The following LTBP3 variants were observed in gnomAD, a reference collection of about 807,000 sequenced individuals.
LTBP3 encodes latent transforming growth factor beta binding protein 3, also known as latent-transforming growth factor beta-binding protein 3.
Under a neutral mutation model 159.7 loss-of-function variants are expected in LTBP3, and 97 were observed. The observed-to-expected ratio is 0.61, with a 90% CI of 0.52 to 0.72. The LOEUF is 0.72. Ranked by LOEUF, LTBP3 falls within the 30% of genes least tolerant of loss-of-function variation. The pLI is 0.00. For missense variants in LTBP3, 1,584 were observed against 1,864.3 expected (o/e 0.85, Z 2.77); for synonymous variants, 824 against 777.1 (o/e 1.06, Z -1.00).
intron 10 of LTBP3, 27 bp downstream of exon 10, chr11:65,551,375 G>A: frequency 6.2e-7 from 1 of 1,609,580 alleles, no homozygotes; most frequent in Non-Finnish European, 8.5e-7. Context: ...AGCCCTTGAG[G>A]ACTCATCCCT....
chr11:65,539,347 G>A lies in LTBP3; in HGVS notation c.3741C>T (p.Ala1247=), dbSNP rs765433192. Residue 1247 remains alanine, a synonymous_variant, in exon 27 of 28, where the codon GCC becomes GCT. Coordinates refer to ENST00000301873, the MANE Select transcript of LTBP3 (RefSeq NM_001130144.3). ...CECPGGFQLD[A]SRARCVDIDE... ...GCTCACCCACGCAGCGGGCGCGGGA[G>A]GCGTCGAGCTGGAAGCCGCCGGGAC... 4.0e-5 allele frequency: 61 copies of A among 1,529,008 alleles called. No homozygotes were observed. The highest frequency in any genetic ancestry group is 5.0e-5 in the Non-Finnish European group (57 of 1,136,028). The allele number at this position is 1,529,008 out of a possible 1,614,324, so 94.7% of individuals were successfully genotyped here.
At chr11:65,545,775 C>CATCA in intron 16 of LTBP3, 1 of 195,802 alleles carries the variant, frequency 5.1e-6, no homozygotes. Context: ...CCTCTAACAC[C>CATCA]TTCTGGGTGA....
chr11:65,549,589 T>C (rs1856518962), intron 11 of LTBP3, among the ~76,000 whole-genome samples: 1 of 136,460 alleles, frequency 7.3e-6, no homozygotes, highest in Admixed American at 7.4e-5. Flanking sequence ...TTTTTTTTTT[T>C]TTGGATTTTT....
chr11:65,538,771 C>T lies in LTBP3; in HGVS notation c.*309G>A, dbSNP rs1295870669. The T allele has an allele frequency of 1.2e-6, 1 of 857,384 alleles. No homozygotes were observed. Among genetic ancestry groups the T allele is most frequent in the Admixed American group, 3.1e-5 (1 of 32,658 alleles). 53.1% of individuals were successfully genotyped at this position (857,384 alleles called of 1,614,324 possible). ...GGGTCTGGCGCCGCCCTGCGCAGCC[C>T]GCGCCCACGTCAGACGTGAACATCA... is the stretch of plus-strand genomic sequence containing the variant. On this transcript the variant is annotated 3_prime_UTR_variant, in exon 28 of 28. Transcript: ENST00000301873.
chr11:65,546,905 C>G lies in LTBP3; in HGVS notation c.2123G>C (p.Arg708Pro). The G allele has an allele frequency of 6.2e-7, 1 of 1,612,240 alleles. No individual in the cohort carries two copies. The highest frequency in any genetic ancestry group is 1.3e-5 in the African/African-American group (1 of 75,066). Residue 708 changes from arginine (R) to proline (P), a missense_variant, in exon 15 of 28, where the codon CGG becomes CCG. Arg to Pro is a moderately radical substitution (Grantham distance 103). Transcript: ENST00000301873. This position sits in a 1 kb window ranked among gnomAD's most constrained non-coding sequence, Gnocchi z 4.0. ...GCCATCCGGGCAAGAGCTTGGGTCC[C>G]GGCACTCGTCGATGTCTGCACGGGA... Reference protein sequence around the residue: ...PPVCEDIDECRDPSSCPDGKC... With the variant: ...PPVCEDIDECPDPSSCPDGKC...
chr11:65,551,544 T>C lies in LTBP3; in HGVS notation c.1548+4A>G, dbSNP rs377745344. ...ACCCCTCCCATCTGGGTTCTCATAC[T>C]CACTGAGTCCGTGGTCACCCCTAAA... On this transcript the variant is annotated splice_donor_region_variant and intron_variant, in intron 9 of 27. Transcript: ENST00000301873. The C allele has an allele frequency of 3.7e-6, 6 of 1,613,854 alleles. No homozygotes were observed. The Admixed American group carries it at 6.7e-5, about 18-fold the overall frequency.
Position 65,554,313 on chromosome 11 carries a change from CG to C in LTBP3, c.398del (p.Pro133ArgfsTer26). The C allele has an allele frequency of 6.2e-7, 1 of 1,612,096 alleles. No individual in the cohort carries two copies. On this transcript the variant is annotated frameshift_variant, in exon 2 of 28. Transcript: ENST00000301873. LOFTEE classifies it high-confidence loss of function. This position sits in a 1 kb window ranked among gnomAD's most constrained non-coding sequence, Gnocchi z 5.3. ...CCTGGCAGAAGCGCCCAGTGAAGTC[CG>C]GGGGACACAGGCACTGGTTTCGCGA... The part of the protein sequence containing the change: ...CSSRNQCLCP[P>X]DFTGRFCQVP...
intron 21 of LTBP3, 121 bp from the exon 22 acceptor site, chr11:65,540,735 AG>A (rs1554972612): frequency 5.5e-4 from 816 of 1,472,696 alleles, no homozygotes; most frequent in South Asian, 7.6e-4. Context: ...CGGGGCCTAC[AG>A]GGCGGGGCCT....
Position 65,547,766 on chromosome 11 carries a change from G to T in LTBP3, c.1902C>A (p.Asn634Lys). ...PCGPGRGICM[N>K]TGGSYNCHCN... ...AGTGGCAATTGTAGGAGCCGCCGGT[G>T]TTCATGCAGATGCCCCTCCCCGGGC... Residue 634 changes from asparagine (N) to lysine (K), a missense_variant, in exon 13 of 28, where the codon AAC (asparagine) becomes AAA (lysine). Asn to Lys is a moderately conservative substitution (Grantham distance 94, BLOSUM62 0). This residue lies in a region of LTBP3 where 565 missense variants were observed against 677.7 expected (regional missense o/e 0.83). Transcript: ENST00000301873. The surrounding 1 kb of genome is among the most constrained non-coding windows in gnomAD (Gnocchi z 4.6). 3 of 1,611,926 alleles carry T rather than the reference G, an allele frequency of 1.9e-6. No individual in the cohort carries two copies. The highest frequency in any genetic ancestry group is 2.2e-5 in the East Asian group (1 of 44,836).
chr11:65,546,535 AG>A lies in LTBP3; in HGVS notation c.2259del (p.Cys754AlafsTer114). On this transcript the variant is annotated frameshift_variant, in exon 16 of 28. Transcript: ENST00000301873. LOFTEE classifies it high-confidence loss of function. This position sits in a 1 kb window ranked among gnomAD's most constrained non-coding sequence, Gnocchi z 4.0. ...RDVNECAEGS[P>X]CSPGWCENLP... ...AGGTTCTCGCACCAGCCAGGCGAGC[AG>A]GGGCTGCCCTCGGCGCACTCGTTCA... The A allele has an allele frequency of 6.2e-7, 1 of 1,602,274 alleles. No individual in the cohort carries two copies.
Position 65,553,102 on chromosome 11 carries a change from C to G in LTBP3, c.1063+62G>C. 1 of 1,605,104 alleles carries G rather than the reference C, an allele frequency of 6.2e-7. No individual in the cohort carries two copies. The highest frequency in any genetic ancestry group is 8.5e-7 in the Non-Finnish European group (1 of 1,172,168). The stretch of plus-strand genomic sequence containing the variant: ...CCTCTCTCGCCCACCTTGGGACCCT[C>G]CCCACCCCCAGTGATGGCTGGCCTG... On this transcript the variant is annotated intron_variant, in intron 5 of 27. Coordinates refer to ENST00000301873, the MANE Select transcript of LTBP3 (RefSeq NM_001130144.3). The surrounding 1 kb of genome is among the most constrained non-coding windows in gnomAD (Gnocchi z 6.5).
Position 65,553,326 on chromosome 11 carries a change from G to C in LTBP3, c.971-70C>G. ...TGGGGAGGGGCACAGCAGATGTAGA[G>C]AGGAATCTGGTGACCTGGGGACTCC... On this transcript the variant is annotated intron_variant, in intron 4 of 27. Transcript: ENST00000301873. The surrounding 1 kb of genome is among the most constrained non-coding windows in gnomAD (Gnocchi z 6.5). 3 of 1,259,442 alleles carry C rather than the reference G, an allele frequency of 2.4e-6. No individual in the cohort carries two copies. Among genetic ancestry groups the C allele is most frequent in the Non-Finnish European group, 3.3e-6 (3 of 896,626 alleles). 78.0% of individuals were successfully genotyped at this position (1,259,442 alleles called of 1,614,324 possible). A position where few individuals can be genotyped will look rare whatever the true frequency, so the allele number is the denominator to read the frequency against.
chr11:65,557,860 G>A lies in LTBP3; in HGVS notation c.100C>T (p.Leu34=). 1 of 1,281,812 alleles carries A rather than the reference G, an allele frequency of 7.8e-7. No homozygotes were observed. Among genetic ancestry groups the A allele is most frequent in the Non-Finnish European group, 9.9e-7 (1 of 1,008,174 alleles). 79.4% of individuals were successfully genotyped at this position (1,281,812 alleles called of 1,614,324 possible). A position where few individuals can be genotyped will look rare whatever the true frequency, so the allele number is the denominator to read the frequency against. Residue 34 remains leucine, a synonymous_variant, in exon 1 of 28, where the codon CTG becomes TTG. Transcript: ENST00000301873. ...TCGACCCTGCCGCCCAGGCCCAGCA[G>A]CAGCAGCAGCAGCAGCAGCAGCAGC... ...LALLLLLLLL[L]LGLGGRVEGG... is the part of the protein sequence containing the mutation.
chr11:65,543,472 A>C lies in LTBP3; in HGVS notation c.2431T>G (p.Cys811Gly). Residue 811 changes from cysteine (C) to glycine (G), a missense_variant, in exon 17 of 28, where the codon TGC (cysteine) becomes GGC (glycine). By Grantham distance (159) the Cys-to-Gly change is radical. Transcript: ENST00000301873. ...CTGGACAGATGGTAGCCAGAGAGGC[A>C]CTGACACTGGAAAGATCCTGGCGTG... The part of the protein sequence containing the change: ...SNTPGSFQCQ[C>G]LSGYHLSRDR... The C allele has an allele frequency of 6.2e-7, 1 of 1,614,116 alleles. No individual in the cohort carries two copies. The highest frequency in any genetic ancestry group is 1.1e-5 in the South Asian group (1 of 91,084).
Position 65,551,410 on chromosome 11 carries a change from G to A in LTBP3, c.1613C>T (p.Pro538Leu). 1 of 1,613,284 alleles carries A rather than the reference G, an allele frequency of 6.2e-7. No homozygotes were observed. The highest frequency in any genetic ancestry group is 8.5e-7 in the Non-Finnish European group (1 of 1,179,978). ...TACAGTGCCCAGCTCACCGGGGTAGGGCCGGGCAGGAGTCGTGGTGGCAGT... is the reference window on the plus strand; with the variant it reads ...TACAGTGCCCAGCTCACCGGGGTAGAGCCGGGCAGGAGTCGTGGTGGCAGT... ...HPTATTTPAR[P>L]YPELISRPSP... The change falls in exon 10 of 28, where the codon CCC becomes CTC. Residue 538 changes from proline (P) to leucine (L), a missense_variant. This residue lies in a region of LTBP3 where 565 missense variants were observed against 677.7 expected (regional missense o/e 0.83). Transcript: ENST00000301873.
chr11:65,539,602 C>G lies in LTBP3; in HGVS notation c.3574G>C (p.Glu1192Gln). 1 of 1,612,402 alleles carries G rather than the reference C, an allele frequency of 6.2e-7. No individual in the cohort carries two copies. The highest frequency in any genetic ancestry group is 8.5e-7 in the Non-Finnish European group (1 of 1,179,284). The change falls in exon 26 of 28, where the codon GAG (glutamate) becomes CAG (glutamine). Residue 1192 changes from glutamate to glutamine, a missense_variant. Transcript: ENST00000301873. ...AGSHCPTSQS[E>Q]SNSFWDTSPL... ...CTTGTGTCCCAGAAGGAATTGCTCT[C>G]GCTCTGCGATGTCGGGCAATGGGAC...
In LTBP3 at chr11:65,543,096, C is replaced by A. The variant is rs371396072; in HGVS notation, c.2596+9G>T. ...CATCCCTCAGGAACCCTCAGCCAGT[C>A]CCCCATACCTTGGCATTTCCTGCCA... On this transcript the variant is annotated intron_variant, in intron 18 of 27. Transcript: ENST00000301873. 6.2e-7 allele frequency: 1 copy of A among 1,613,676 alleles called. No homozygotes were observed. Among genetic ancestry groups the A allele is most frequent in the African/African-American group, 1.3e-5 (1 of 74,890 alleles).
Position 65,558,172 on chromosome 11 carries a change from A to C in LTBP3, c.-213T>G. 9.4e-6 allele frequency: 10 copies of C among 1,067,854 alleles called. No individual in the cohort carries two copies. The highest frequency in any genetic ancestry group is 1.1e-5 in the Non-Finnish European group (10 of 882,018). 66.1% of individuals were successfully genotyped at this position (1,067,854 alleles called of 1,614,324 possible). A position where few individuals can be genotyped will look rare whatever the true frequency, so the allele number is the denominator to read the frequency against. ...GGGAGCGCAGAAACTTCCCAGCCCC[A>C]GGACGAAGCCCAGACCAGGCCCCGA... On this transcript the variant is annotated 5_prime_UTR_variant, in exon 1 of 28. Coordinates refer to ENST00000301873, the MANE Select transcript of LTBP3 (RefSeq NM_001130144.3).
In LTBP3 at chr11:65,546,355, C is replaced by T. The variant is rs1412284343; in HGVS notation, c.2353+87G>A. On this transcript the variant is annotated intron_variant, in intron 16 of 27. Transcript: ENST00000301873. This position sits in a 1 kb window ranked among gnomAD's most constrained non-coding sequence, Gnocchi z 4.0. Reference sequence around the variant, plus strand: ...CTGGGGATGAATGAGCCACCTTCCACCCACTGTTTACAGACAGCGTGACCC... The same window carrying T: ...CTGGGGATGAATGAGCCACCTTCCATCCACTGTTTACAGACAGCGTGACCC... 8 of 1,414,874 alleles carry T rather than the reference C, an allele frequency of 5.7e-6. No individual in the cohort carries two copies. The highest frequency in any genetic ancestry group is 2.7e-5 in the Admixed American group (1 of 37,678). 87.6% of individuals were successfully genotyped at this position (1,414,874 alleles called of 1,614,324 possible).
Sources: allele counts gnomAD v4.1 joint callset (sites outside exome capture counted in the v4.1 genomes callset), GRCh38; gene constraint gnomAD v4.1.1; regional missense constraint gnomAD v4.1.1; non-coding constraint Gnocchi (gnomAD v3.1); transcripts MANE v1.5; gene names NCBI Gene and HGNC (gene_info 2026-07-23, HGNC 2026-07-21).